The following BRCA2 variants were observed in gnomAD, a reference collection of about 807,000 sequenced individuals.
BRCA2 encodes BRCA2 DNA repair associated.
Under a neutral mutation model 276.7 loss-of-function variants are expected in BRCA2, and 203 were observed. That is an observed-to-expected ratio of 0.73 (90% CI 0.65 to 0.82). The LOEUF (loss-of-function observed/expected upper bound fraction) is 0.82. Ranked by LOEUF, BRCA2 falls within the 40% of genes least tolerant of loss-of-function variation. The probability of loss-of-function intolerance (pLI) is 0.00; values close to 1 mark genes in which losing one functional copy is unlikely to be tolerated. For missense variants in BRCA2, 3,920 were observed against 3,915.0 expected (o/e 1.00, Z -0.03); for synonymous variants, 1,289 against 1,338.4 (o/e 0.96, Z 0.81).
At chr13:32,361,950 T>TA (rs1329483722) in intron 16 of BRCA2, among the ~76,000 whole-genome samples, 1 of 152,214 alleles carries the variant, frequency 6.6e-6, no homozygotes, top group Non-Finnish European at 1.5e-5. Context: ...TATAATTATT[T>TA]AAAATCAAGG....
Position 32,337,781 on chromosome 13 carries a change from T to A in BRCA2, c.3426T>A (p.Phe1142Leu), listed in dbSNP as rs760681272. 6.2e-7 allele frequency: 1 copy of A among 1,614,072 alleles called. No individual in the cohort carries two copies. Among genetic ancestry groups the A allele is most frequent in the Non-Finnish European group, 8.5e-7 (1 of 1,179,956 alleles). Residue 1142 changes from phenylalanine to leucine, a missense_variant, in exon 11 of 27, where the codon TTT (phenylalanine) becomes TTA (leucine). Phe to Leu is a conservative substitution (Grantham distance 22). This residue lies in a region of BRCA2 where 3,263 missense variants were observed against 3,156.9 expected (regional missense o/e 1.03). Transcript: ENST00000380152. ...KPSYILQKST[F>L]EVPENQMTIL... ...GCTACATATTGCAGAAGAGTACATT[T>A]GAAGTGCCTGAAAACCAGATGACTA... is the stretch of plus-strand genomic sequence containing the variant.
chr13:32,339,440 A>G lies in BRCA2; in HGVS notation c.5085A>G (p.Glu1695=). ...TTGAAGCAAAAAAATGGCTTAGAGAAGGAATATTTGATGGTCAACCAGAAA... is the reference window on the plus strand; with the variant it reads ...TTGAAGCAAAAAAATGGCTTAGAGAGGGAATATTTGATGGTCAACCAGAAA... The part of the protein sequence containing the change: ...SLLEAKKWLR[E]GIFDGQPERI... Residue 1695 remains glutamate (E), a synonymous_variant, in exon 11 of 27, where the codon GAA becomes GAG. Transcript: ENST00000380152. 1 of 1,591,336 alleles carries G rather than the reference A, an allele frequency of 6.3e-7. No homozygotes were observed. Among genetic ancestry groups the G allele is most frequent in the Non-Finnish European group, 8.5e-7 (1 of 1,170,496 alleles).
In BRCA2 at chr13:32,362,582, A is replaced by G. The variant is rs142899125; in HGVS notation, c.7865A>G (p.Asn2622Ser). The change falls in exon 17 of 27, where the codon AAT becomes AGT. Residue 2622 changes from asparagine (N) to serine (S), a missense_variant. Physicochemically the swap from Asn to Ser is conservative, Grantham distance 46 (BLOSUM62 1). Transcript: ENST00000380152. ...CTTATTTCTAGAATTTGGGTTTATA[A>G]TCACTATAGATGGATCATATGGAAA... ...PKLISRIWVY[N>S]HYRWIIWKLA... is the part of the protein sequence containing the mutation. 1.1e-5 allele frequency: 17 copies of G among 1,614,152 alleles called. No individual in the cohort carries two copies. The African/African-American group carries it at 2.1e-4, about 20-fold the overall frequency.
At chr13:32,362,783 A>C in intron 17 of BRCA2, 90 bp downstream of exon 17, 1 of 1,438,626 alleles carries the variant, frequency 7.0e-7, no homozygotes, top group Non-Finnish European at 9.7e-7. Context: ...AAAATGTTGC[A>C]CAAGCCAGTT....
intron 16 of BRCA2, among the ~76,000 whole-genome samples, chr13:32,360,293 C>T (rs151167707): frequency 4.1e-4 from 63 of 152,268 alleles, no homozygotes; most frequent in Non-Finnish European, 7.5e-4. Context: ...CATAGACCTT[C>T]GTAAGACCCT....
rs786201180 is a variant in BRCA2, at chr13:32,362,698, G to A, written c.7976+5G>A. Reference sequence around the variant, plus strand: ...GCTTCTTCAACTAAAATACAGGCAAGTTTAAAGCATTACATTACGTAATCA... The same window carrying A: ...GCTTCTTCAACTAAAATACAGGCAAATTTAAAGCATTACATTACGTAATCA... On this transcript the variant is annotated splice_donor_5th_base_variant and intron_variant, in intron 17 of 26. Coordinates refer to ENST00000380152, the MANE Select transcript of BRCA2 (RefSeq NM_000059.4). 6.2e-7 allele frequency: 1 copy of A among 1,614,042 alleles called. No individual in the cohort carries two copies. Among genetic ancestry groups the A allele is most frequent in the South Asian group, 1.1e-5 (1 of 91,084 alleles).
rs557819873 is a variant in BRCA2 at position 32,394,584 on chromosome 13, T to G, written c.9257-105T>G. 3.1e-5 allele frequency: 42 copies of G among 1,354,060 alleles called. 2 individuals are homozygous for G. Among genetic ancestry groups the G allele is most frequent in the African/African-American group, 2.5e-4 (17 of 68,600 alleles). 83.9% of individuals were successfully genotyped at this position (1,354,060 alleles called of 1,614,324 possible). A position where few individuals can be genotyped will look rare whatever the true frequency, so the allele number is the denominator to read the frequency against. On this transcript the variant is annotated intron_variant, in intron 24 of 26. Coordinates refer to ENST00000380152, the MANE Select transcript of BRCA2 (RefSeq NM_000059.4). ...AGCTATTTTGATTTGCTTTTATTAT[T>G]AGCATATACCAAAATAAATAGGCAT...
intron 24 of BRCA2, among the ~76,000 whole-genome samples, chr13:32,386,934 G>T (rs1048506707): frequency 3.3e-5 from 5 of 152,190 alleles, no homozygotes; most frequent in Admixed American, 2.6e-4. Context: ...CAAAGTGTTG[G>T]CAGGGTTAAT....
At chr13:32,355,753 A>G (rs949585790) in intron 14 of BRCA2, among the ~76,000 whole-genome samples, 5 of 151,766 alleles carry the variant, frequency 3.3e-5, no homozygotes, top group African/African-American at 1.2e-4. Flanking sequence ...GGTGGCAGGC[A>G]CCTGTAATCC....
In BRCA2 at chr13:32,322,492, G is replaced by A. The variant is rs1436300762; in HGVS notation, c.317-2584G>A. Among the ~76,000 whole-genome samples the A allele has an allele frequency of 2.0e-5, 3 of 152,184 alleles. No individual in the cohort carries two copies. In the East Asian group the frequency reaches 5.8e-4, roughly 29 times the overall value. ...GGGCTGGGCCGAAGTAAAGGGATGG[G>A]TCTGGCTAGTTATCTGCAGCAGGAG... On this transcript the variant is annotated intron_variant, in intron 3 of 26. Transcript: ENST00000380152.
At chr13:32,370,337 GAT>G (rs1323490304) in intron 18 of BRCA2, 63 bp from the exon 19 acceptor site, 19 of 1,472,142 alleles carry the variant, frequency 1.3e-5, no homozygotes, top group Non-Finnish European at 1.7e-5. Flanking sequence ...AAACTCTTAT[GAT>G]ATCTGTAATA....
In BRCA2 at chr13:32,336,321, A is replaced by G. The variant is rs398122736; in HGVS notation, c.1966A>G (p.Thr656Ala). Reference sequence around the variant, plus strand: ...TTCACAGAATGATTCTGAAGAACCAACTTTGTCCTTAACTAGCTCTTTTGG... The same window carrying G: ...TTCACAGAATGATTCTGAAGAACCAGCTTTGTCCTTAACTAGCTCTTTTGG... ...SCSQNDSEEP[T>A]LSLTSSFGTI... Residue 656 changes from threonine (T) to alanine (A), a missense_variant, in exon 11 of 27, where the codon ACT becomes GCT. Transcript: ENST00000380152. The G allele has an allele frequency of 2.0e-5, 32 of 1,603,674 alleles. No homozygotes were observed. Among genetic ancestry groups the G allele is most frequent in the Non-Finnish European group, 2.6e-5 (31 of 1,175,570 alleles).
chr13:32,367,600 G>A (rs1332332014), intron 18 of BRCA2, among the ~76,000 whole-genome samples: 1 of 151,674 alleles, frequency 6.6e-6, no homozygotes, highest in Non-Finnish European at 1.5e-5. Flanking sequence ...TATGAGACCA[G>A]CCTGGGCAAC....
At position 32,333,183 on chromosome 13, in the gene BRCA2, C is replaced by A. The variant is rs397507274; in HGVS notation, c.1705C>A (p.Gln569Lys). 4 of 1,613,830 alleles carry A rather than the reference C, an allele frequency of 2.5e-6. No individual in the cohort carries two copies. The highest frequency in any genetic ancestry group is 3.4e-6 in the Non-Finnish European group (4 of 1,179,932). ...DNGSWPATTTQNSVALKNAGL... is the reference protein window; with the variant it reads ...DNGSWPATTTKNSVALKNAGL... ...TGGAAGCTGGCCAGCCACCACCACA[C>A]AGAATTCTGTAGCTTTGAAGAATGC... The change falls in exon 10 of 27, where the codon CAG (glutamine) becomes AAG (lysine). Residue 569 changes from glutamine (Q) to lysine (K), a missense_variant. Transcript: ENST00000380152.
intron 3 of BRCA2, among the ~76,000 whole-genome samples, chr13:32,324,364 A>G (rs1390822272): frequency 6.6e-6 from 1 of 152,222 alleles, no homozygotes; most frequent in Non-Finnish European, 1.5e-5. Flanking sequence ...CTTTCAGGAT[A>G]TGCAAATGGT....
chr13:32,367,658 G>A (rs1460094034), intron 18 of BRCA2, among the ~76,000 whole-genome samples: 1 of 151,980 alleles, frequency 6.6e-6, no homozygotes, highest in Admixed American at 6.6e-5. Flanking sequence ...AACCAGGTGT[G>A]GTGGCATGTG....
rs80358584 is a variant in BRCA2 at position 32,337,768 on chromosome 13, A to T, written c.3413A>T (p.Gln1138Leu). The change falls in exon 11 of 27, where the codon CAG (glutamine) becomes CTG (leucine). Residue 1138 changes from glutamine (Q) to leucine (L), a missense_variant. Coordinates refer to ENST00000380152, the MANE Select transcript of BRCA2 (RefSeq NM_000059.4). ...TQFRKPSYIL[Q>L]KSTFEVPENQ... is the part of the protein sequence containing the mutation. ...TTTAGAAAACCAAGCTACATATTGC[A>T]GAAGAGTACATTTGAAGTGCCTGAA... 1.9e-6 allele frequency: 3 copies of T among 1,614,072 alleles called. No homozygotes were observed. Among genetic ancestry groups the T allele is most frequent in the Non-Finnish European group, 2.5e-6 (3 of 1,179,936 alleles).
rs80359108 is a variant in BRCA2 at position 32,371,007 on chromosome 13, G to A, written c.8539G>A (p.Glu2847Lys). 7 of 1,614,106 alleles carry A rather than the reference G, an allele frequency of 4.3e-6. No homozygotes were observed. The highest frequency in any genetic ancestry group is 3.3e-5 in the South Asian group (3 of 91,076). Reference sequence around the variant, plus strand: ...ATACATATTTCGCAATGAAAGAGAGGAAGAAAAGGAAGCAGCAAAATATGT... The same window carrying A: ...ATACATATTTCGCAATGAAAGAGAGAAAGAAAAGGAAGCAGCAAAATATGT... ...GLYIFRNEREEEKEAAKYVEA... is the reference protein window; with the variant it reads ...GLYIFRNEREKEKEAAKYVEA... Residue 2847 changes from glutamate to lysine, a missense_variant, in exon 20 of 27, where the codon GAA (glutamate) becomes AAA (lysine). Around this residue, in one of 2 missense-constraint regions of BRCA2, gnomAD observed 657 missense variants for 758.2 expected, o/e 0.87. Coordinates refer to ENST00000380152, the MANE Select transcript of BRCA2 (RefSeq NM_000059.4).
rs80359494 is a variant in BRCA2 at position 32,339,568 on chromosome 13, CTTAT to C, written c.5217_5220del (p.Tyr1739Ter). 6.2e-7 allele frequency: 1 copy of C among 1,608,918 alleles called. No homozygotes were observed. Among genetic ancestry groups the C allele is most frequent in the Non-Finnish European group, 8.5e-7 (1 of 1,176,762 alleles). Reference sequence around the variant, plus strand: ...AATCATCTCTCCGAAAAACAAGATACTTATTTAAGTAACAGTAGCATGTCTAACA... The same window carrying C: ...AATCATCTCTCCGAAAAACAAGATACTTAAGTAACAGTAGCATGTCTAACA... On this transcript the variant is annotated frameshift_variant, in exon 11 of 27. Coordinates refer to ENST00000380152, the MANE Select transcript of BRCA2 (RefSeq NM_000059.4). LOFTEE classifies it high-confidence loss of function.
Sources: allele counts gnomAD v4.1 joint callset (sites outside exome capture counted in the v4.1 genomes callset), GRCh38; gene constraint gnomAD v4.1.1; regional missense constraint gnomAD v4.1.1; transcripts MANE v1.5; gene names NCBI Gene and HGNC (gene_info 2026-07-23, HGNC 2026-07-21).